Variants in DOK5 observed in about 807,000 individuals in gnomAD.
DOK5 encodes the protein docking protein 5.
DOK5 carries 27 observed loss-of-function variants against 43.3 expected under a neutral mutation model. The ratio of observed to expected loss-of-function variants is 0.62; its 90% CI spans 0.46 to 0.86. The LOEUF is 0.86. Among genes scored for constraint, DOK5 ranks in the 40% least tolerant of loss-of-function variants. The probability of loss-of-function intolerance (pLI) is 0.00; values close to 1 mark genes in which losing one functional copy is unlikely to be tolerated. For missense variants in DOK5, 373 were observed against 392.9 expected, an observed-to-expected ratio of 0.95 and a Z score of 0.43; for synonymous variants, 146 against 140.1, an observed-to-expected ratio of 1.04 and a Z score of -0.30.
chr20:54,610,408 G>A lies in DOK5; in HGVS notation c.620G>A (p.Gly207Glu). Residue 207 changes from glycine to glutamate, a missense_variant, in exon 6 of 8, where the codon GGG becomes GAG. Physicochemically the swap from Gly to Glu is moderately conservative, Grantham distance 98. Transcript: ENST00000262593. Reference protein sequence around the residue: ...EAGRMCETGEGLFIFQTRDGE... With the variant: ...EAGRMCETGEELFIFQTRDGE... ...CACAGGATGTGTGAGACTGGTGAAG[G>A]GCTGTTTATCTTTCAGACCCGAGAC... The A allele has an allele frequency of 1.9e-6, 3 of 1,582,938 alleles. No homozygotes were observed. The highest frequency in any genetic ancestry group is 1.2e-5 in the South Asian group (1 of 86,110).
At chr20:54,612,850 C>T (rs1986693214) in intron 6 of DOK5, among the ~76,000 whole-genome samples, 1 of 152,186 alleles carries the variant, frequency 6.6e-6, no homozygotes, top group Non-Finnish European at 1.5e-5. Context: ...GTTCCAACAC[C>T]ATTTCTGAAA....
intron 7 of DOK5, among the ~76,000 whole-genome samples, chr20:54,644,714 A>AAAAAAAAAAAC (rs1979304738): frequency 3.7e-5 from 5 of 134,256 alleles, no homozygotes; most frequent in African/African-American, 1.2e-4. Context: ...TCAAAAAAAA[A>AAAAAAAAAAAC]AAAAAAAAAA....
chr20:54,549,507 C>T (rs1355831893), intron 1 of DOK5, among the ~76,000 whole-genome samples: 1 of 152,122 alleles, frequency 6.6e-6, no homozygotes, highest in East Asian at 1.9e-4. Context: ...TTTGTCCTTA[C>T]TACTTAATAA....
rs143629326 is a variant in DOK5, at chr20:54,592,778, C to T, written c.599+973C>T. On this transcript the variant is annotated intron_variant, in intron 5 of 7. Coordinates refer to ENST00000262593, the MANE Select transcript of DOK5 (RefSeq NM_018431.5). ...GGATGGTCTCGATCTCCTGACCTCG[C>T]GCTTCGGCCTTCCAAAGTGCTGGGA... 4.2e-4 allele frequency among the ~76,000 whole-genome samples: 64 copies of T among 152,108 alleles called. 2 individuals carry two copies. The East Asian group carries it at 0.011, about 27-fold the overall frequency.
intron 1 of DOK5, among the ~76,000 whole-genome samples, chr20:54,515,032 T>A (rs1022123152): frequency 6.6e-6 from 1 of 151,986 alleles, no homozygotes; most frequent in African/African-American, 2.4e-5. Context: ...TTTTTTAAGG[T>A]GAAATTTCAC....
chr20:54,479,539 G>A (rs943035081), intron 1 of DOK5, among the ~76,000 whole-genome samples: 3 of 152,186 alleles, frequency 2.0e-5, no homozygotes, highest in South Asian at 2.1e-4. Context: ...TTCTCACTTC[G>A]TTTCTTTCCT....
At chr20:54,550,371 T>C (rs1403348779) in intron 1 of DOK5, among the ~76,000 whole-genome samples, 1 of 152,216 alleles carries the variant, frequency 6.6e-6, no homozygotes, top group Non-Finnish European at 1.5e-5. Flanking sequence ...TCCTATACCC[T>C]CTACTCAGTT....
intron 6 of DOK5, among the ~76,000 whole-genome samples, chr20:54,622,015 G>A (rs1372093258): frequency 2.0e-5 from 3 of 151,974 alleles, no homozygotes; most frequent in East Asian, 1.9e-4. Context: ...CCAATATGCT[G>A]AAACCCCGTC....
At chr20:54,568,493 G>A (rs540638160) in intron 2 of DOK5, among the ~76,000 whole-genome samples, 2 of 152,296 alleles carry the variant, frequency 1.3e-5, no homozygotes, top group African/African-American at 4.8e-5. Flanking sequence ...GCTATTATTA[G>A]CCAAGGCAGT....
intron 6 of DOK5, among the ~76,000 whole-genome samples, chr20:54,633,025 C>T (rs370361209): frequency 1.3e-3 from 201 of 152,148 alleles, no homozygotes; most frequent in African/African-American, 4.7e-3. Flanking sequence ...GAGCTGAGAT[C>T]GCGCCATTGC....
chr20:54,502,437 T>C (rs1185034089), intron 1 of DOK5, among the ~76,000 whole-genome samples: 1 of 152,156 alleles, frequency 6.6e-6, no homozygotes, highest in East Asian at 1.9e-4. Context: ...GCAACACTAT[T>C]AAAAATTTTA....
intron 6 of DOK5, among the ~76,000 whole-genome samples, chr20:54,632,746 T>C (rs1394788571): frequency 6.6e-6 from 1 of 152,130 alleles, no homozygotes; most frequent in Non-Finnish European, 1.5e-5. Context: ...GGTTCCTAAA[T>C]CATTAAGATC....
intron 1 of DOK5, among the ~76,000 whole-genome samples, chr20:54,506,997 A>G (rs1982830461): frequency 6.6e-6 from 1 of 152,218 alleles, no homozygotes; most frequent in African/African-American, 2.4e-5. Flanking sequence ...CCTCATCTAT[A>G]AAATAGGAAC....
chr20:54,480,922 TATCAATC>T (rs879291481), intron 1 of DOK5, among the ~76,000 whole-genome samples: 1,963 of 121,860 alleles, frequency 0.016, 79 homozygotes, highest in African/African-American at 0.051. Flanking sequence ...TCTATCTATC[TATCAATC>T]ATCTATCATC....
At position 54,579,567 on chromosome 20, in the gene DOK5, C is replaced by T. The variant is rs142547243; in HGVS notation, c.175-8916C>T. 2.6e-5 allele frequency among the ~76,000 whole-genome samples: 4 copies of T among 152,186 alleles called. No homozygotes were observed. The East Asian group carries it at 7.7e-4, about 29-fold the overall frequency. On this transcript the variant is annotated intron_variant, in intron 2 of 7. Coordinates refer to ENST00000262593, the MANE Select transcript of DOK5 (RefSeq NM_018431.5). ...AACAGCAACCTCCCATTCCCCTCTCCCTGCAGTCCCTGGAAACCACCATCC... is the reference window on the plus strand; with the variant it reads ...AACAGCAACCTCCCATTCCCCTCTCTCTGCAGTCCCTGGAAACCACCATCC...
intron 6 of DOK5, among the ~76,000 whole-genome samples, chr20:54,635,448 TA>T (rs373739136): frequency 0.013 from 1,926 of 152,276 alleles, 21 homozygotes; most frequent in South Asian, 0.021. Context: ...ATCTGCATCA[TA>T]AAAACCTTGG....
At chr20:54,610,666 T>C in intron 6 of DOK5, 143 bp downstream of exon 6, 7 of 1,021,500 alleles carry the variant, frequency 6.9e-6, no homozygotes, top group Non-Finnish European at 9.0e-6. Flanking sequence ...TTGGATTAAA[T>C]GGCATTCCAG....
intron 6 of DOK5, among the ~76,000 whole-genome samples, chr20:54,625,948 T>C (rs1411950794): frequency 6.6e-6 from 1 of 152,196 alleles, no homozygotes. Context: ...TATGAGCATA[T>C]ACAAGAAATC....
chr20:54,548,814 A>T (rs1984431333), intron 1 of DOK5, among the ~76,000 whole-genome samples: 1 of 152,212 alleles, frequency 6.6e-6, no homozygotes, highest in African/African-American at 2.4e-5. Context: ...ACATGCTATC[A>T]TATTTAGTAA....
Sources: gnomAD v4.1 joint callset for allele counts (sites outside exome capture counted in the v4.1 genomes callset) on GRCh38, gnomAD v4.1.1 for gene constraint, MANE v1.5 for transcripts, NCBI Gene and HGNC (gene_info 2026-07-23, HGNC 2026-07-21) for gene names.